The following LATS2 variants were observed in gnomAD, a reference collection of about 807,000 sequenced individuals.
The protein encoded by LATS2 is large tumor suppressor kinase 2.
A neutral mutation model predicts 76.0 loss-of-function variants in LATS2; 24 were observed. That is an observed-to-expected ratio of 0.32 (90% CI 0.23 to 0.44). The LOEUF is 0.44. LATS2 is among the 20% of genes least tolerant of loss of function. LATS2 has a pLI of 1.00. For missense variants in LATS2, 1,286 were observed against 1,481.2 expected, an observed-to-expected ratio of 0.87 and a Z score of 2.16; for synonymous variants, 692 against 635.4, an observed-to-expected ratio of 1.09 and a Z score of -1.34.
intron 1 of LATS2, among the ~76,000 whole-genome samples, chr13:21,051,172 T>C (rs1218789230): frequency 1.3e-5 from 2 of 152,146 alleles, no homozygotes; most frequent in Non-Finnish European, 2.9e-5. Context: ...CTCATATAAA[T>C]GTGTATACAT....
At position 20,988,301 on chromosome 13, in the gene LATS2, C is replaced by A; in HGVS notation, c.1479G>T (p.Ala493=). The change falls in exon 4 of 8, where the codon GCG becomes GCT. Residue 493 remains alanine, a synonymous_variant. Transcript: ENST00000382592. The part of the protein sequence containing the change: ...GLDAKEEHAL[A]LGGAGAFPLD... ...GCGGGAAGGCGCCTGCGCCGCCCAGCGCCAGGGCATGCTCCTCCTTGGCGT... is the reference window on the plus strand; with the variant it reads ...GCGGGAAGGCGCCTGCGCCGCCCAGAGCCAGGGCATGCTCCTCCTTGGCGT... 1 of 1,553,448 alleles carries A rather than the reference C, an allele frequency of 6.4e-7. No individual in the cohort carries two copies.
intron 2 of LATS2, among the ~76,000 whole-genome samples, chr13:21,035,008 A>G (rs1006238559): frequency 6.6e-6 from 1 of 152,208 alleles, no homozygotes; most frequent in Non-Finnish European, 1.5e-5. Flanking sequence ...GGGCGGGAGG[A>G]TCACTTGAGG....
rs201597110 is a variant in LATS2, at chr13:21,023,682, AAC to A, written c.342+22001_342+22002del. Among the ~76,000 whole-genome samples, 11 of 3,156 alleles carry A rather than the reference AAC, an allele frequency of 3.5e-3. 3 individuals carry two copies. The highest frequency in any genetic ancestry group is 5.1e-3 in the African/African-American group (10 of 1,952). The allele number at this position is 3,156 out of a possible 152,430, so 2.1% of individuals were successfully genotyped here. On this transcript the variant is annotated intron_variant, in intron 2 of 7. Coordinates refer to ENST00000382592, the MANE Select transcript of LATS2 (RefSeq NM_014572.3). ...AAAAAAAAAAAAAAAAAAAAAAAAA[AAC>A]AAACCTCGGCCGGGCGCAGTGGCTG...
intron 1 of LATS2, among the ~76,000 whole-genome samples, chr13:21,051,195 A>C (rs1873263391): frequency 6.6e-6 from 1 of 152,198 alleles, no homozygotes; most frequent in Non-Finnish European, 1.5e-5. Flanking sequence ...GATGTGAGAC[A>C]AGCCCTCTTA....
Position 20,974,831 on chromosome 13 carries a change from C to T in LATS2, c.*39G>A. ...GAGGGCACCGGCTCCGGGACCCTGA[C>T]CTGGGAGGCAGCGAGTGGTGGGGGT... On this transcript the variant is annotated 3_prime_UTR_variant, in exon 8 of 8. Coordinates refer to ENST00000382592, the MANE Select transcript of LATS2 (RefSeq NM_014572.3). 1 of 1,568,826 alleles carries T rather than the reference C, an allele frequency of 6.4e-7. No individual in the cohort carries two copies. Among genetic ancestry groups the T allele is most frequent in the Non-Finnish European group, 8.6e-7 (1 of 1,158,506 alleles).
At chr13:21,004,959 G>T (rs1045504702) in intron 2 of LATS2, among the ~76,000 whole-genome samples, 7 of 152,162 alleles carry the variant, frequency 4.6e-5, no homozygotes, top group African/African-American at 1.4e-4. Flanking sequence ...GACCAGCCCC[G>T]GCGTTCTAAA....
chr13:21,043,342 A>T (rs545435251), intron 2 of LATS2, among the ~76,000 whole-genome samples: 10 of 151,872 alleles, frequency 6.6e-5, no homozygotes, highest in African/African-American at 2.4e-4. Flanking sequence ...GTCTAAAAAA[A>T]AAAAAGAACT....
At chr13:21,007,700 GTA>G (rs1185329581) in intron 2 of LATS2, among the ~76,000 whole-genome samples, 67 of 1,696 alleles carry the variant, frequency 0.04, 22 homozygotes, top group African/African-American at 0.16. Context: ...TATATATATA[GTA>G]TGTATATATA....
chr13:21,004,449 A>AG (rs1456910757), intron 2 of LATS2, among the ~76,000 whole-genome samples: 1 of 151,906 alleles, frequency 6.6e-6, no homozygotes, highest in Non-Finnish European at 1.5e-5. Context: ...AAAAAAAAAA[A>AG]AGCTTCTGTA....
intron 2 of LATS2, among the ~76,000 whole-genome samples, chr13:20,999,358 G>A (rs1490725543): frequency 6.6e-6 from 1 of 152,214 alleles, no homozygotes; most frequent in Admixed American, 6.5e-5. Flanking sequence ...TTTTTGAAAC[G>A]AATGAAGAAG....
At chr13:20,998,588 G>T (rs950913401) in intron 2 of LATS2, among the ~76,000 whole-genome samples, 1 of 152,146 alleles carries the variant, frequency 6.6e-6, no homozygotes, top group African/African-American at 2.4e-5. Flanking sequence ...TTTCCAAAGG[G>T]TGTTCCAACC....
rs1281791980 is a variant in LATS2 at position 20,974,556 on chromosome 13, A to G, written c.*314T>C. On this transcript the variant is annotated 3_prime_UTR_variant, in exon 8 of 8. Transcript: ENST00000382592. ...AAATAACAGCAGCATGATTTGTCAA[A>G]GTTAATCCCTATAATTTAGTAAGAA... 4 of 292,100 alleles carry G rather than the reference A, an allele frequency of 1.4e-5. No individual in the cohort carries two copies. In the East Asian group the frequency reaches 1.6e-4, roughly 12 times the overall value. The allele number at this position is 292,100 out of a possible 1,614,324, so 18.1% of individuals were successfully genotyped here. A position where few individuals can be genotyped will look rare whatever the true frequency, so the allele number is the denominator to read the frequency against.
At chr13:21,026,097 G>A (rs1872301806) in intron 2 of LATS2, among the ~76,000 whole-genome samples, 1 of 152,136 alleles carries the variant, frequency 6.6e-6, no homozygotes, top group South Asian at 2.1e-4. Context: ...CCCATCGGAT[G>A]CCCCACCCTC....
At chr13:20,977,479 G>A (rs2138262470) in intron 7 of LATS2, among the ~76,000 whole-genome samples, 1 of 152,026 alleles carries the variant, frequency 6.6e-6, no homozygotes, top group East Asian at 1.9e-4. Flanking sequence ...AGAGTGGGGA[G>A]TTTCTGTTTA....
At chr13:21,000,997 C>T (rs911153649) in intron 2 of LATS2, among the ~76,000 whole-genome samples, 27 of 152,182 alleles carry the variant, frequency 1.8e-4, no homozygotes, top group African/African-American at 6.3e-4. Context: ...CAATAACATG[C>T]TTACACATGT....
At chr13:21,040,467 C>T (rs1455642951) in intron 2 of LATS2, among the ~76,000 whole-genome samples, 3 of 151,906 alleles carry the variant, frequency 2.0e-5, no homozygotes, top group Admixed American at 6.6e-5. Context: ...GGTGGAAGAA[C>T]CAGGAAGAGC....
chr13:20,988,239 G>A lies in LATS2; in HGVS notation c.1541C>T (p.Pro514Leu), dbSNP rs772963885. 16 of 1,603,520 alleles carry A rather than the reference G, an allele frequency of 1.0e-5. No individual in the cohort carries two copies. Among genetic ancestry groups the A allele is most frequent in the East Asian group, 2.2e-5 (1 of 44,848 alleles). ...CAGGTGCTTCGGGTAGGGCGGAGGC[G>A]GGCACCTCCGGTCTGGGCCTCCGTA... ...VEYGGPDRRC[P>L]PPPYPKHLLL... is the part of the protein sequence containing the mutation. The change falls in exon 4 of 8, where the codon CCG (proline) becomes CTG (leucine). Residue 514 changes from proline to leucine, a missense_variant. Pro to Leu is a moderately conservative substitution (Grantham distance 98). This residue lies in a region of LATS2 where 710 missense variants were observed against 660.9 expected (regional missense o/e 1.07). Transcript: ENST00000382592.
chr13:21,037,356 T>C (rs1051546526), intron 2 of LATS2, among the ~76,000 whole-genome samples: 2 of 152,190 alleles, frequency 1.3e-5, no homozygotes, highest in Non-Finnish European at 2.9e-5. Flanking sequence ...GTAAGCCAGA[T>C]CATGCCATTG....
intron 2 of LATS2, among the ~76,000 whole-genome samples, chr13:21,000,318 T>C (rs1870983739): frequency 6.6e-6 from 1 of 151,832 alleles, no homozygotes; most frequent in South Asian, 2.1e-4. Flanking sequence ...GAGGTGGAGG[T>C]TGCAATGAGC....
Sources: allele counts gnomAD v4.1 joint callset (sites outside exome capture counted in the v4.1 genomes callset), GRCh38; gene constraint gnomAD v4.1.1; regional missense constraint gnomAD v4.1.1; transcripts MANE v1.5; gene names NCBI Gene and HGNC (gene_info 2026-07-23, HGNC 2026-07-21).